The following PCDH15 variants were observed in gnomAD, a reference collection of about 807,000 sequenced individuals.
The protein encoded by PCDH15 is protocadherin-15.
PCDH15 carries 129 observed loss-of-function variants against 178.5 expected under a neutral mutation model. The ratio of observed to expected loss-of-function variants is 0.72; its 90% CI spans 0.63 to 0.84. PCDH15 has a LOEUF of 0.84. Among genes scored for constraint, PCDH15 ranks in the 40% least tolerant of loss-of-function variants. PCDH15 has a pLI of 0.00. For synonymous variants in PCDH15, 800 were observed against 732.0 expected (o/e 1.09, Z -1.50); for missense variants, 2,230 against 2,099.9 (o/e 1.06, Z -1.21).
intron 3 of PCDH15, among the ~76,000 whole-genome samples, chr10:54,845,323 T>G (rs138035469): frequency 1.6e-4 from 25 of 152,140 alleles, no homozygotes; most frequent in African/African-American, 5.8e-4. Flanking sequence ...GACATTAGTG[T>G]ACTTCACAAA....
intron 2 of PCDH15, among the ~76,000 whole-genome samples, chr10:54,955,799 T>TG (rs1361970655): frequency 6.1e-4 from 93 of 151,396 alleles, no homozygotes; most frequent in African/African-American, 2.4e-5. Context: ...GCAGCGCAAT[T>TG]AATTTATGAC....
intron 2 of PCDH15, among the ~76,000 whole-genome samples, chr10:54,918,479 T>C (rs1837402051): frequency 6.6e-6 from 1 of 152,170 alleles, no homozygotes; most frequent in African/African-American, 2.4e-5. Context: ...GCCAACACTC[T>C]CATTTAAGAG....
At position 54,247,288 on chromosome 10, in the gene PCDH15, A is replaced by G. The variant is rs141340154; in HGVS notation, c.877-10357T>C. 3.8e-3 allele frequency among the ~76,000 whole-genome samples: 573 copies of G among 152,088 alleles called. 3 individuals are homozygous for G. Among genetic ancestry groups the G allele is most frequent in the African/African-American group, 0.013 (540 of 41,532 alleles). On this transcript the variant is annotated intron_variant, in intron 8 of 37. Coordinates refer to ENST00000644397, the MANE Select transcript of PCDH15 (RefSeq NM_001384140.1). ...ACTCATCCACATCAGAATTTATGTA[A>G]ACTGAGTTGGCTTCCCTACAACTTT...
At chr10:54,793,182 A>G (rs1340056551) in intron 1 of PCDH15, among the ~76,000 whole-genome samples, 1 of 151,920 alleles carries the variant, frequency 6.6e-6, no homozygotes, top group African/African-American at 2.4e-5. Flanking sequence ...TTGCAAGTCT[A>G]GGCTAGTTAG....
intron 1 of PCDH15, among the ~76,000 whole-genome samples, chr10:55,268,182 C>G (rs1370181429): frequency 6.6e-6 from 1 of 152,062 alleles, no homozygotes; most frequent in Non-Finnish European, 1.5e-5. Context: ...CTCACAGTTA[C>G]CCGTTGAGTT....
At chr10:54,388,418 C>A (rs1431698131) in intron 3 of PCDH15, among the ~76,000 whole-genome samples, 1 of 152,184 alleles carries the variant, frequency 6.6e-6, no homozygotes, top group Non-Finnish European at 1.5e-5. Flanking sequence ...TCACTTTCAT[C>A]TTCACTTCAA....
intron 1 of PCDH15, among the ~76,000 whole-genome samples, chr10:54,723,705 A>G (rs1942030493): frequency 6.8e-6 from 1 of 146,650 alleles, no homozygotes; most frequent in Non-Finnish European, 1.5e-5. Flanking sequence ...AACAAGAAAA[A>G]AAATAATTCC....
intron 2 of PCDH15, chr10:54,605,931 C>T (rs2134159624): frequency 6.6e-6 from 1 of 152,182 alleles, no homozygotes; most frequent in Non-Finnish European, 1.5e-5. Context: ...TAAATTCCTT[C>T]CAGACTGAAG....
chr10:55,110,034 T>A (rs1837457503), intron 2 of PCDH15, among the ~76,000 whole-genome samples: 1 of 151,592 alleles, frequency 6.6e-6, no homozygotes. Context: ...ATTTGTTGTA[T>A]TAATTGTAGT....
chr10:54,686,363 T>C (rs947410938), intron 1 of PCDH15, among the ~76,000 whole-genome samples: 1 of 152,122 alleles, frequency 6.6e-6, no homozygotes. Context: ...TTAGATCCTT[T>C]TTAAAGAAAG....
chr10:55,427,551 C>T (rs1334565847), intron 2 of PCDH15, among the ~76,000 whole-genome samples: 1 of 152,116 alleles, frequency 6.6e-6, no homozygotes, highest in East Asian at 1.9e-4. Flanking sequence ...TATAAAATAC[C>T]TACAAAGTTC....
intron 2 of PCDH15, among the ~76,000 whole-genome samples, chr10:54,964,401 T>C (rs1022236412): frequency 6.6e-6 from 1 of 152,214 alleles, no homozygotes; most frequent in Non-Finnish European, 1.5e-5. Flanking sequence ...TCACTTTTCA[T>C]ATAATTATCC....
chr10:54,612,759 G>A (rs2093004728), intron 2 of PCDH15, among the ~76,000 whole-genome samples: 1 of 151,624 alleles, frequency 6.6e-6, no homozygotes, highest in Non-Finnish European at 1.5e-5. Flanking sequence ...ATACTAAAAT[G>A]GGACATAATT....
chr10:53,966,468 C>T (rs935070091), intron 21 of PCDH15, among the ~76,000 whole-genome samples: 2 of 151,852 alleles, frequency 1.3e-5, no homozygotes, highest in Non-Finnish European at 2.9e-5. Context: ...TTTCCAAAGT[C>T]TTTTTAAAAT....
At chr10:54,250,384 G>A (rs945017650) in intron 8 of PCDH15, among the ~76,000 whole-genome samples, 4 of 144,880 alleles carry the variant, frequency 2.8e-5, no homozygotes, top group South Asian at 4.5e-4. Flanking sequence ...CCGGGTTCAC[G>A]CCATTCTCCT....
chr10:55,494,198 A>T (rs1445943834), intron 2 of PCDH15, among the ~76,000 whole-genome samples: 1 of 151,802 alleles, frequency 6.6e-6, no homozygotes, highest in Non-Finnish European at 1.5e-5. Flanking sequence ...TCTACCCATT[A>T]ATAAAAGTAG....
chr10:54,133,718 A>C (rs1265323386), intron 14 of PCDH15, among the ~76,000 whole-genome samples: 1 of 152,166 alleles, frequency 6.6e-6, no homozygotes, highest in Non-Finnish European at 1.5e-5. Flanking sequence ...CTGAACTTTG[A>C]ATTTGTTTTA....
At chr10:53,859,097 A>T (rs1190956009) in intron 27 of PCDH15, among the ~76,000 whole-genome samples, 2 of 151,968 alleles carry the variant, frequency 1.3e-5, no homozygotes, top group Admixed American at 6.6e-5. Flanking sequence ...ATAAAAATCA[A>T]ACCACCCGGA....
intron 2 of PCDH15, among the ~76,000 whole-genome samples, chr10:55,121,780 G>A (rs963256931): frequency 4.6e-5 from 7 of 151,976 alleles, no homozygotes; most frequent in African/African-American, 1.7e-4. Context: ...GCCATATAAG[G>A]ACACAACTTT....
Sources: allele counts gnomAD v4.1 joint callset (sites outside exome capture counted in the v4.1 genomes callset), GRCh38; gene constraint gnomAD v4.1.1; transcripts MANE v1.5; gene names NCBI Gene and HGNC (gene_info 2026-07-23, HGNC 2026-07-21).